ARHGEF2: variants seen among roughly 807,000 people sequenced by gnomAD.
ARHGEF2 encodes Rho/Rac guanine nucleotide exchange factor 2, also known as rho guanine nucleotide exchange factor 2.
A neutral mutation model predicts 121.0 loss-of-function variants in ARHGEF2; 22 were observed. That is an observed-to-expected ratio of 0.18 (90% CI 0.13 to 0.26). The LOEUF (loss-of-function observed/expected upper bound fraction) is 0.26. Ranked by LOEUF, ARHGEF2 falls within the 10% of genes least tolerant of loss-of-function variation. The probability of loss-of-function intolerance (pLI) is 1.00; values close to 1 mark genes in which losing one functional copy is unlikely to be tolerated. For missense variants in ARHGEF2, 907 were observed against 1,336.0 expected (o/e 0.68, Z 5.01); for synonymous variants, 487 against 530.0 (o/e 0.92, Z 1.11).
Position 155,962,423 on chromosome 1 carries a change from A to G in ARHGEF2, c.1101+170T>C. The G allele has an allele frequency of 1.8e-6, 2 of 1,115,528 alleles. No homozygotes were observed. Among genetic ancestry groups the G allele is most frequent in the Non-Finnish European group, 2.6e-6 (2 of 775,068 alleles). The allele number at this position is 1,115,528 out of a possible 1,614,324, so 69.1% of individuals were successfully genotyped here. On this transcript the variant is annotated intron_variant, in intron 9 of 21. Coordinates refer to ENST00000361247, the MANE Select transcript of ARHGEF2 (RefSeq NM_001162383.2). The surrounding 1 kb of genome is among the most constrained non-coding windows in gnomAD (Gnocchi z 5.8). ...AAAAAGTACTTGGGAAACTACCACA[A>G]CGTGCTCTAGCATTCTGAGGGGTTA... is the stretch of plus-strand genomic sequence containing the variant.
chr1:155,978,922 TA>T, upstream of ARHGEF2: 4 of 985,848 alleles, frequency 4.1e-6, no homozygotes, highest in Non-Finnish European at 4.8e-6. The surrounding 1 kb of genome is among the most constrained non-coding windows in gnomAD (Gnocchi z 4.1). Flanking sequence ...CCTCAGTCTT[TA>T]AAGACCCGCA....
In ARHGEF2 at chr1:155,962,445, G is replaced by T; in HGVS notation, c.1101+148C>A. 8.1e-7 allele frequency: 1 copy of T among 1,234,838 alleles called. No homozygotes were observed. The highest frequency in any genetic ancestry group is 1.1e-6 in the Non-Finnish European group (1 of 877,202). 76.5% of individuals were successfully genotyped at this position (1,234,838 alleles called of 1,614,324 possible). A position where few individuals can be genotyped will look rare whatever the true frequency, so the allele number is the denominator to read the frequency against. On this transcript the variant is annotated intron_variant, in intron 9 of 21. Coordinates refer to ENST00000361247, the MANE Select transcript of ARHGEF2 (RefSeq NM_001162383.2). The surrounding 1 kb of genome is among the most constrained non-coding windows in gnomAD (Gnocchi z 5.8). ...ACAACGTGCTCTAGCATTCTGAGGG[G>T]TTACTGCTGACAGGATCTGTGTATG...
chr1:155,951,236 G>A lies in ARHGEF2; in HGVS notation c.2296C>T (p.Arg766Trp), dbSNP rs368274787. ...CGCCGCTCAGGGCCCTCAGGGAACC[G>A]GGCTTCCATCAGAGTGTCCTGCTGG... is the stretch of plus-strand genomic sequence containing the variant. ...VAQQDTLMEA[R>W]FPEGPERREK... The change falls in exon 20 of 22, where the codon CGG (arginine) becomes TGG (tryptophan). Residue 766 changes from arginine (R) to tryptophan (W), a missense_variant. By Grantham distance (101) the Arg-to-Trp change is moderately radical. Transcript: ENST00000361247. This position sits in a 1 kb window ranked among gnomAD's most constrained non-coding sequence, Gnocchi z 5.1. 2.6e-5 allele frequency: 42 copies of A among 1,610,498 alleles called. No individual in the cohort carries two copies. Among genetic ancestry groups the A allele is most frequent in the Middle Eastern group, 3.3e-4 (2 of 6,060 alleles).
At chr1:155,969,767 A>C (rs2102683007) in intron 1 of ARHGEF2, 1 of 989,330 alleles carries the variant, frequency 1.0e-6, no homozygotes, top group Non-Finnish European at 1.2e-6. Flanking sequence ...TAACCATGAC[A>C]ACCAGTGTTG....
chr1:155,947,957 T>A lies in ARHGEF2; in HGVS notation c.2946A>T (p.Val982=). 6.4e-7 allele frequency: 1 copy of A among 1,550,926 alleles called. No individual in the cohort carries two copies. The highest frequency in any genetic ancestry group is 8.7e-7 in the Non-Finnish European group (1 of 1,146,722). Residue 982 remains valine (V), a synonymous_variant, in exon 22 of 22, where the codon GTA becomes GTT. Coordinates refer to ENST00000361247, the MANE Select transcript of ARHGEF2 (RefSeq NM_001162383.2). ...AGGGGCCCCCTTAGCTCTCGGAGGC[T>A]ACAGCCTCCCCGTCGCGGCTCTCCG... is the stretch of plus-strand genomic sequence containing the variant. ...EETESRDGEA[V]ASES
chr1:155,960,068 T>C (rs4661172), intron 11 of ARHGEF2, among the ~76,000 whole-genome samples: 124,602 of 151,990 alleles, frequency 0.82, 52,959 homozygotes, highest in East Asian at 0.94. Context: ...CTTCAATTTC[T>C]TTCTCTGCTT....
At position 155,966,991 on chromosome 1, in the gene ARHGEF2, G is replaced by C. The variant is rs972845509; in HGVS notation, c.209-104C>G. ...TCCTCCTGGCCACACAGTCCTCGGG[G>C]ACTCTCCCCCCTTCCCCGACTTCTG... On this transcript the variant is annotated intron_variant, in intron 2 of 21. Transcript: ENST00000361247. 50 of 1,117,498 alleles carry C rather than the reference G, an allele frequency of 4.5e-5. No individual in the cohort carries two copies. The African/African-American group carries it at 6.9e-4, about 15-fold the overall frequency. 69.2% of individuals were successfully genotyped at this position (1,117,498 alleles called of 1,614,324 possible).
In ARHGEF2 at chr1:155,966,468, C is replaced by G. The variant is rs372878297; in HGVS notation, c.288G>C (p.Ala96=). The G allele has an allele frequency of 9.9e-6, 16 of 1,613,986 alleles. No individual in the cohort carries two copies. Among genetic ancestry groups the G allele is most frequent in the Middle Eastern group, 1.6e-4 (1 of 6,082 alleles). Residue 96 remains alanine (A), a synonymous_variant, in exon 4 of 22, where the codon GCG becomes GCC. Coordinates refer to ENST00000361247, the MANE Select transcript of ARHGEF2 (RefSeq NM_001162383.2). ...CTKVKQKQQK[A]ALLKNNTALQ... ...AGGCGGTGTTGTTCTTCAGCAGGGC[C>G]GCTTTCTGTTGCTGTGAGACAGAGA...
chr1:155,970,320 T>C, intron 1 of ARHGEF2: 1 of 985,554 alleles, frequency 1.0e-6, no homozygotes, highest in Non-Finnish European at 1.2e-6. Context: ...AGTCAAGTCA[T>C]TCTCCCTGAC....
chr1:155,972,152 C>T, intron 1 of ARHGEF2: 1 of 397,038 alleles, frequency 2.5e-6, no homozygotes. Flanking sequence ...ACTGGGGCAG[C>T]CAGAGAACAG....
rs1281813593 is a variant in ARHGEF2 at position 155,978,251 on chromosome 1, C to T, written c.63+114G>A. ...CCCGCCGCTCGCCGATCCACCGCTC[C>T]GCCCGATTTTGGCGCCCAGAAAGCA... On this transcript the variant is annotated intron_variant, in intron 1 of 21. Transcript: ENST00000361247. This position sits in a 1 kb window ranked among gnomAD's most constrained non-coding sequence, Gnocchi z 4.1. 4 of 1,352,592 alleles carry T rather than the reference C, an allele frequency of 3.0e-6. No homozygotes were observed. The highest frequency in any genetic ancestry group is 2.9e-6 in the Non-Finnish European group (3 of 1,034,412). The allele number at this position is 1,352,592 out of a possible 1,614,324, so 83.8% of individuals were successfully genotyped here.
intron 11 of ARHGEF2, among the ~76,000 whole-genome samples, chr1:155,959,701 T>C (rs4661169): frequency 0.81 from 123,260 of 151,726 alleles, 52,205 homozygotes; most frequent in East Asian, 0.94. Context: ...AATGCTGCCA[T>C]GCCTGGCTAA....
At chr1:155,973,287 T>A (rs1680779987) in intron 1 of ARHGEF2, among the ~76,000 whole-genome samples, 1 of 152,164 alleles carries the variant, frequency 6.6e-6, no homozygotes, top group South Asian at 2.1e-4. Context: ...TTTAGAACCT[T>A]CTGTCTCTTC....
chr1:155,965,131 G>A lies in ARHGEF2; in HGVS notation c.581C>T (p.Ala194Val). ...TLSVESLIDE[A>V]EVIYSELMSD... The stretch of plus-strand genomic sequence containing the variant: ...CATCAGCTCACTGTAGATTACCTCT[G>A]CTGGACATTAGCAGGGCAAGCAACT... Residue 194 changes from alanine to valine, a missense_variant and splice_region_variant, in exon 7 of 22, where the codon GCA (alanine) becomes GTA (valine). Around this residue, in one of 2 missense-constraint regions of ARHGEF2, gnomAD observed 475 missense variants for 776.5 expected, o/e 0.61. Transcript: ENST00000361247. The surrounding 1 kb of genome is among the most constrained non-coding windows in gnomAD (Gnocchi z 6.0). The A allele has an allele frequency of 6.2e-7, 1 of 1,613,998 alleles. No individual in the cohort carries two copies. Among genetic ancestry groups the A allele is most frequent in the Non-Finnish European group, 8.5e-7 (1 of 1,179,964 alleles).
intron 11 of ARHGEF2, among the ~76,000 whole-genome samples, chr1:155,960,138 AG>A (rs1677589082): frequency 1.3e-5 from 2 of 152,170 alleles, no homozygotes; most frequent in African/African-American, 4.8e-5. Flanking sequence ...GAGGAAACAA[AG>A]ATCAATTCCA....
chr1:155,964,180 A>AGG (rs1678791221), intron 7 of ARHGEF2, among the ~76,000 whole-genome samples: 1 of 101,578 alleles, frequency 9.8e-6, no homozygotes, highest in Non-Finnish European at 1.8e-5. Flanking sequence ...ATATATATAT[A>AGG]TATATATATA....
At chr1:155,964,684 C>T (rs574160262) in intron 7 of ARHGEF2, among the ~76,000 whole-genome samples, 4 of 152,130 alleles carry the variant, frequency 2.6e-5, no homozygotes, top group African/African-American at 9.6e-5. Context: ...CTTTGGGAGG[C>T]TGAGGCGGGC....
Position 155,961,159 on chromosome 1 carries a change from C to T in ARHGEF2, c.1468+502G>A, listed in dbSNP as rs1338484111. ...AATTATAAAATACTGATAGGGAAGG[C>T]CCTGTATGGTCCATAAAGTTAACTG... is the stretch of plus-strand genomic sequence containing the variant. On this transcript the variant is annotated intron_variant, in intron 11 of 21. Coordinates refer to ENST00000361247, the MANE Select transcript of ARHGEF2 (RefSeq NM_001162383.2). This position sits in a 1 kb window ranked among gnomAD's most constrained non-coding sequence, Gnocchi z 4.7. Among the ~76,000 whole-genome samples the T allele has an allele frequency of 2.0e-5, 3 of 152,180 alleles. No individual in the cohort carries two copies. The highest frequency in any genetic ancestry group is 4.4e-5 in the Non-Finnish European group (3 of 68,040).
chr1:155,977,510 C>A (rs527336218), intron 1 of ARHGEF2, among the ~76,000 whole-genome samples: 1 of 151,830 alleles, frequency 6.6e-6, no homozygotes, highest in Non-Finnish European at 1.5e-5. Context: ...AGAATGAGAG[C>A]GCTGGGGGAG....
Sources: allele counts gnomAD v4.1 joint callset (sites outside exome capture counted in the v4.1 genomes callset), GRCh38; gene constraint gnomAD v4.1.1; regional missense constraint gnomAD v4.1.1; non-coding constraint Gnocchi (gnomAD v3.1); transcripts MANE v1.5; gene names NCBI Gene and HGNC (gene_info 2026-07-23, HGNC 2026-07-21).